TPRG1: variants seen among roughly 807,000 people sequenced by gnomAD.
TPRG1 encodes the protein tumor protein p63 regulated 1.
Under a neutral mutation model 29.3 loss-of-function variants are expected in TPRG1, and 29 were observed. The ratio of observed to expected loss-of-function variants is 0.99; its 90% CI spans 0.74 to 1.35. The LOEUF is 1.35. Ranked by LOEUF, TPRG1 falls within the 40% of genes most tolerant of loss-of-function variation. TPRG1 has a pLI of 0.00. For synonymous variants in TPRG1, 130 were observed against 116.8 expected (o/e 1.11, Z -0.73); for missense variants, 327 against 335.0 (o/e 0.98, Z 0.19).
intron 3 of TPRG1, among the ~76,000 whole-genome samples, chr3:189,236,265 A>T (rs997933145): frequency 3.3e-5 from 5 of 152,220 alleles, no homozygotes; most frequent in Admixed American, 6.5e-5. Flanking sequence ...TACCTTTTAA[A>T]ATACATCTCA....
intron 4 of TPRG1, among the ~76,000 whole-genome samples, chr3:189,070,117 A>G (rs1443765808): frequency 6.6e-6 from 1 of 152,134 alleles, no homozygotes; most frequent in Non-Finnish European, 1.5e-5. Flanking sequence ...AGAAATACAC[A>G]CTGCTTGGAA....
chr3:189,194,907 G>A (rs905882335), intron 1 of TPRG1, among the ~76,000 whole-genome samples: 1 of 152,110 alleles, frequency 6.6e-6, no homozygotes, highest in Non-Finnish European at 1.5e-5. Context: ...CACTCCCCAG[G>A]AAGAGGGGTG....
intron 3 of TPRG1, among the ~76,000 whole-genome samples, chr3:189,022,983 C>T (rs1268934126): frequency 2.0e-5 from 3 of 151,914 alleles, no homozygotes; most frequent in South Asian, 2.1e-4. Flanking sequence ...GGGAGCGACC[C>T]GATTTTCCAG....
intron 3 of TPRG1, among the ~76,000 whole-genome samples, chr3:189,017,688 A>G (rs531475588): frequency 6.6e-6 from 1 of 152,326 alleles, no homozygotes; most frequent in South Asian, 2.1e-4. Flanking sequence ...CGCTATAAAC[A>G]TACGTGTGCA....
chr3:189,066,982 T>C (rs1197714925), intron 4 of TPRG1, among the ~76,000 whole-genome samples: 8 of 152,136 alleles, frequency 5.3e-5, no homozygotes, highest in African/African-American at 1.7e-4. Context: ...TTGCAGAATA[T>C]AAAAATCCAC....
At chr3:189,300,996 T>C (rs1339652469) in intron 4 of TPRG1, among the ~76,000 whole-genome samples, 4 of 152,000 alleles carry the variant, frequency 2.6e-5, no homozygotes, top group Non-Finnish European at 5.9e-5. Flanking sequence ...AATGAGATAA[T>C]GGATGATAAA....
At chr3:189,044,382 C>T (rs1332435321) in intron 4 of TPRG1, among the ~76,000 whole-genome samples, 2 of 152,130 alleles carry the variant, frequency 1.3e-5, no homozygotes, top group African/African-American at 4.8e-5. Flanking sequence ...TGGCAAAACG[C>T]TGTCTCTACT....
chr3:189,143,056 T>C (rs985390917), intron 3 of TPRG1, among the ~76,000 whole-genome samples: 1 of 152,270 alleles, frequency 6.6e-6, no homozygotes, highest in Non-Finnish European at 1.5e-5. Context: ...CAGTATCTTT[T>C]GGTATTACTA....
intron 3 of TPRG1, among the ~76,000 whole-genome samples, chr3:189,011,188 A>T (rs1712578728): frequency 6.6e-6 from 1 of 152,192 alleles, no homozygotes; most frequent in Non-Finnish European, 1.5e-5. Context: ...GTTTGAAGTC[A>T]GGTAGCCTGA....
chr3:189,105,975 T>G (rs1719772217), intron 1 of TPRG1, among the ~76,000 whole-genome samples: 1 of 152,006 alleles, frequency 6.6e-6, no homozygotes, highest in Admixed American at 6.6e-5. Flanking sequence ...GGTTGACAGG[T>G]GCAGCAAACC....
rs28421572 is a variant in TPRG1, at chr3:189,005,220, G to A, written c.-660+460G>A. On this transcript the variant is annotated intron_variant, in intron 3 of 10. Transcript: ENST00000433971. ...TAGAAGTTTACATCTGTTCTTACTC[G>A]GCAGATCATAAGCTGCTTGAACTCA... Among the ~76,000 whole-genome samples the A allele has an allele frequency of 2.2e-3, 333 of 152,162 alleles. 2 individuals are homozygous for A. Among genetic ancestry groups the A allele is most frequent in the African/African-American group, 7.7e-3 (318 of 41,526 alleles).
At position 188,998,498 on chromosome 3, in the gene TPRG1, A is replaced by G. The variant is rs191168242; in HGVS notation, c.-1015-2276A>G. Among the ~76,000 whole-genome samples the G allele has an allele frequency of 1.2e-3, 176 of 152,366 alleles. 1 individual carries two copies. Among genetic ancestry groups the G allele is most frequent in the Admixed American group, 1.6e-3 (25 of 15,312 alleles). Reference sequence around the variant, plus strand: ...ATGCTAGAGTTTTGTGGGTCATGGTAAAGAATCTGTGTAAAGACACTAGAT... The same window carrying G: ...ATGCTAGAGTTTTGTGGGTCATGGTGAAGAATCTGTGTAAAGACACTAGAT... On this transcript the variant is annotated intron_variant, in intron 1 of 10. Transcript: ENST00000433971.
intron 4 of TPRG1, among the ~76,000 whole-genome samples, chr3:189,272,939 A>G (rs1052816159): frequency 1.3e-5 from 2 of 152,202 alleles, no homozygotes; most frequent in Admixed American, 6.5e-5. Flanking sequence ...TGGAATAGCC[A>G]TAGATTACTA....
At chr3:189,145,473 C>G (rs564514985) in intron 3 of TPRG1, among the ~76,000 whole-genome samples, 2 of 152,014 alleles carry the variant, frequency 1.3e-5, no homozygotes, top group Non-Finnish European at 2.9e-5. Context: ...AGAGAATGGC[C>G]TAACCTTGCA....
At chr3:189,242,400 A>G (rs1740757032) in intron 4 of TPRG1, among the ~76,000 whole-genome samples, 1 of 152,046 alleles carries the variant, frequency 6.6e-6, no homozygotes, top group Non-Finnish European at 1.5e-5. Flanking sequence ...AGCTTGTCTA[A>G]TGTTTGAAAG....
rs1740016082 is a variant in TPRG1 at position 189,238,925 on chromosome 3, A to G, written c.479+16A>G. On this transcript the variant is annotated intron_variant, in intron 4 of 5. Coordinates refer to ENST00000345063, the MANE Select transcript of TPRG1 (RefSeq NM_198485.4). ...CCCTGGACAAGTGAGTATATATCTT[A>G]TACTTGAAGAAGTGGTGCAGCAGGG... 2 of 1,576,586 alleles carry G rather than the reference A, an allele frequency of 1.3e-6. No individual in the cohort carries two copies. The highest frequency in any genetic ancestry group is 2.7e-5 in the African/African-American group (2 of 73,932).
intron 4 of TPRG1, among the ~76,000 whole-genome samples, chr3:189,280,929 C>T (rs1010077515): frequency 1.3e-5 from 2 of 152,266 alleles, no homozygotes; most frequent in African/African-American, 2.4e-5. Context: ...TATTCTCCTT[C>T]GGGAGACCCA....
At chr3:189,239,081 G>T in intron 4 of TPRG1, 172 bp downstream of exon 4, 1 of 517,664 alleles carries the variant, frequency 1.9e-6, no homozygotes, top group South Asian at 3.6e-5. Flanking sequence ...CAGCCTCCAG[G>T]GATACAACTT....
At chr3:189,051,866 T>C (rs1715345136) in intron 4 of TPRG1, among the ~76,000 whole-genome samples, 1 of 152,156 alleles carries the variant, frequency 6.6e-6, no homozygotes, top group Non-Finnish European at 1.5e-5. Context: ...TTTCAACAAA[T>C]GGTGCTGGAG....
Sources: gnomAD v4.1 joint callset for allele counts (sites outside exome capture counted in the v4.1 genomes callset) on GRCh38, gnomAD v4.1.1 for gene constraint, MANE v1.5 for transcripts, NCBI Gene and HGNC (gene_info 2026-07-23, HGNC 2026-07-21) for gene names.